ADGRB3: variants seen among roughly 807,000 people sequenced by gnomAD.
ADGRB3 encodes adhesion G protein-coupled receptor B3, also known as brain-specific angiogenesis inhibitor 3.
In ADGRB3, 37 loss-of-function variants were observed where a neutral mutation model predicts 193.4. That is an observed-to-expected ratio of 0.19 (90% CI 0.15 to 0.25). The LOEUF (loss-of-function observed/expected upper bound fraction) is 0.25, where lower values mean the gene tolerates loss of function less well. Ranked by LOEUF, ADGRB3 falls within the 10% of genes least tolerant of loss-of-function variation. The probability of loss-of-function intolerance (pLI) is 1.00; values close to 1 mark genes in which losing one functional copy is unlikely to be tolerated. For synonymous variants in ADGRB3, 690 were observed against 644.2 expected, an observed-to-expected ratio of 1.07 and a Z score of -1.08; for missense variants, 1,637 against 1,852.9, an observed-to-expected ratio of 0.88 and a Z score of 2.14.
intron 20 of ADGRB3, among the ~76,000 whole-genome samples, chr6:69,315,075 T>A (rs1768283989): frequency 6.6e-6 from 1 of 151,648 alleles, no homozygotes; most frequent in Non-Finnish European, 1.5e-5. Flanking sequence ...TTTGTTTATT[T>A]ATTATAACAT....
At chr6:69,219,576 A>C (rs1765849792) in intron 17 of ADGRB3, among the ~76,000 whole-genome samples, 1 of 149,700 alleles carries the variant, frequency 6.7e-6, no homozygotes, top group Admixed American at 6.7e-5. Context: ...AGAAAAACAG[A>C]GCTGAAGGAC....
intron 3 of ADGRB3, among the ~76,000 whole-genome samples, chr6:68,776,976 G>A (rs1766759531): frequency 1.3e-5 from 2 of 152,096 alleles, no homozygotes; most frequent in South Asian, 4.1e-4. Flanking sequence ...TAGGAAAAAT[G>A]TATAAACTAT....
chr6:69,015,752 C>G (rs1452587197), intron 12 of ADGRB3, among the ~76,000 whole-genome samples: 3 of 151,660 alleles, frequency 2.0e-5, no homozygotes, highest in Admixed American at 2.0e-4. Context: ...TTCGAATAGT[C>G]ATTTCAGAAT....
intron 4 of ADGRB3, among the ~76,000 whole-genome samples, chr6:68,933,903 A>C (rs1215887952): frequency 6.6e-6 from 1 of 152,146 alleles, no homozygotes; most frequent in Non-Finnish European, 1.5e-5. Context: ...GCTAGACTAA[A>C]GAGCTTTTAG....
intron 3 of ADGRB3, among the ~76,000 whole-genome samples, chr6:68,809,752 G>A (rs900244621): frequency 2.0e-5 from 3 of 152,090 alleles, no homozygotes; most frequent in Admixed American, 1.3e-4. Flanking sequence ...CAGGTCCTGT[G>A]GATCTCTTTT....
At chr6:68,897,481 T>C (rs145905952) in intron 3 of ADGRB3, among the ~76,000 whole-genome samples, 1 of 11,332 alleles carries the variant, frequency 8.8e-5, no homozygotes, top group Non-Finnish European at 1.6e-4. Flanking sequence ...GAGGGAGGGA[T>C]GGAGGAAGGG....
At chr6:69,152,853 G>A (rs1047171560) in intron 17 of ADGRB3, among the ~76,000 whole-genome samples, 8 of 152,158 alleles carry the variant, frequency 5.3e-5, no homozygotes, top group African/African-American at 1.9e-4. Context: ...GTAATAGTAT[G>A]TGAAATGTCT....
At chr6:69,014,285 T>A (rs2150285393) in intron 12 of ADGRB3, among the ~76,000 whole-genome samples, 179 bp downstream of exon 12, 1 of 152,174 alleles carries the variant, frequency 6.6e-6, no homozygotes, top group South Asian at 2.1e-4. Context: ...AAGGAATATT[T>A]ATACATGTGA....
chr6:68,682,693 A>G (rs1764916188), intron 3 of ADGRB3, among the ~76,000 whole-genome samples: 1 of 152,236 alleles, frequency 6.6e-6, no homozygotes, highest in African/African-American at 2.4e-5. Context: ...CACACAATTA[A>G]AAATTTTGTA....
intron 3 of ADGRB3, among the ~76,000 whole-genome samples, chr6:68,878,823 C>G (rs1765657957): frequency 6.6e-6 from 1 of 152,144 alleles, no homozygotes; most frequent in African/African-American, 2.4e-5. Flanking sequence ...GGAAGCCTCA[C>G]AATCATGATG....
At chr6:68,894,846 C>A (rs1766174800) in intron 3 of ADGRB3, among the ~76,000 whole-genome samples, 1 of 151,712 alleles carries the variant, frequency 6.6e-6, no homozygotes, top group Non-Finnish European at 1.5e-5. Context: ...ACTATTAATC[C>A]TCTTGCTATG....
rs774669403 is a variant in ADGRB3 at position 68,993,979 on chromosome 6, C to T, written c.1929+17C>T. On this transcript the variant is annotated intron_variant, in intron 11 of 31. Coordinates refer to ENST00000370598, the MANE Select transcript of ADGRB3 (RefSeq NM_001704.3). ...GGTGTCCAGGTAAGGGAGACAAGTT[C>T]GTGAAGGAAAGGGCTAGTGAAGATG... is the stretch of plus-strand genomic sequence containing the variant. 16 of 1,608,574 alleles carry T rather than the reference C, an allele frequency of 9.9e-6. No individual in the cohort carries two copies. Among genetic ancestry groups the T allele is most frequent in the Admixed American group, 5.0e-5 (3 of 59,716 alleles).
rs939496732 is a variant in ADGRB3, at chr6:68,930,715, G to T, written c.868+46G>T. 6.8e-6 allele frequency: 9 copies of T among 1,322,104 alleles called. No individual in the cohort carries two copies. The African/African-American group carries it at 1.0e-4, about 15-fold the overall frequency. The allele number at this position is 1,322,104 out of a possible 1,614,324, so 81.9% of individuals were successfully genotyped here. On this transcript the variant is annotated intron_variant, in intron 4 of 31. Coordinates refer to ENST00000370598, the MANE Select transcript of ADGRB3 (RefSeq NM_001704.3). ...TTCTATTTATTGTTGTTAATTTAATGAAACCACTGCATGTTTTCATAATCT... is the reference window on the plus strand; with the variant it reads ...TTCTATTTATTGTTGTTAATTTAATTAAACCACTGCATGTTTTCATAATCT...
rs556641954 is a variant in ADGRB3 at position 68,733,195 on chromosome 6, C to A, written c.757+93763C>A. On this transcript the variant is annotated intron_variant, in intron 3 of 31. Transcript: ENST00000370598. The stretch of plus-strand genomic sequence containing the variant: ...TTGTATATTTATTACAGCCTAAGTG[C>A]ATATCAGTGGTGGATTGGATAAAGA... Among the ~76,000 whole-genome samples the A allele has an allele frequency of 5.3e-5, 8 of 149,922 alleles. No individual in the cohort carries two copies. In the South Asian group the frequency reaches 1.0e-3, roughly 20 times the overall value.
At chr6:69,153,850 A>G (rs973818704) in intron 17 of ADGRB3, among the ~76,000 whole-genome samples, 12 of 152,100 alleles carry the variant, frequency 7.9e-5, no homozygotes, top group African/African-American at 2.4e-4. Flanking sequence ...AAAATTAGCC[A>G]GGCATGGTGG....
In ADGRB3 at chr6:69,040,351, T is replaced by TTCTTTCTTTCTTTCTTTCTTTC. The variant is rs1562133155; in HGVS notation, c.2108-7832_2108-7811dup. On this transcript the variant is annotated intron_variant, in intron 13 of 31. Transcript: ENST00000370598. ...TTTCTTTCTTTCTTTCTTTCTTTCT[T>TTCTTTCTTTCTTTCTTTCTTTC]TCTTTCTTTCTTTCTTTCTTTCTTT... 8.1e-4 allele frequency among the ~76,000 whole-genome samples: 44 copies of TTCTTTCTTTCTTTCTTTCTTTC among 54,600 alleles called. 1 individual carries two copies. Among genetic ancestry groups the TTCTTTCTTTCTTTCTTTCTTTC allele is most frequent in the Admixed American group, 5.5e-3 (21 of 3,792 alleles). 35.8% of individuals were successfully genotyped at this position (54,600 alleles called of 152,430 possible). A position where few individuals can be genotyped will look rare whatever the true frequency, so the allele number is the denominator to read the frequency against.
chr6:68,880,736 G>A (rs899673469), intron 3 of ADGRB3, among the ~76,000 whole-genome samples: 3 of 151,258 alleles, frequency 2.0e-5, no homozygotes, highest in African/African-American at 7.3e-5. Flanking sequence ...GCATCTCCAG[G>A]AAAAAAGCCA....
intron 3 of ADGRB3, among the ~76,000 whole-genome samples, chr6:68,830,715 A>G (rs992441461): frequency 6.6e-6 from 1 of 152,132 alleles, no homozygotes; most frequent in Non-Finnish European, 1.5e-5. Context: ...ATGGGCTTTT[A>G]CTACTTGATT....
intron 17 of ADGRB3, among the ~76,000 whole-genome samples, chr6:69,217,907 T>TAA (rs146088732): frequency 2.0e-5 from 3 of 151,504 alleles, no homozygotes; most frequent in Admixed American, 6.6e-5. Flanking sequence ...TATTCAGTTT[T>TAA]AAAAAAAACT....
Sources: allele counts gnomAD v4.1 joint callset (sites outside exome capture counted in the v4.1 genomes callset), GRCh38; gene constraint gnomAD v4.1.1; transcripts MANE v1.5; gene names NCBI Gene and HGNC (gene_info 2026-07-23, HGNC 2026-07-21).